MYH10: variants seen among roughly 807,000 people sequenced by gnomAD.
The protein encoded by MYH10 is myosin heavy chain 10, also known as myosin-10.
MYH10 carries 55 observed loss-of-function variants against 257.8 expected under a neutral mutation model. The observed-to-expected ratio is 0.21, with a 90% confidence interval of 0.17 to 0.27. The LOEUF is 0.27. Among genes scored for constraint, MYH10 ranks in the 10% least tolerant of loss-of-function variants. The probability of loss-of-function intolerance (pLI) is 1.00; values close to 1 mark genes in which losing one functional copy is unlikely to be tolerated. For synonymous variants in MYH10, 854 were observed against 921.7 expected (o/e 0.93, Z 1.33); for missense variants, 1,631 against 2,500.6 (o/e 0.65, Z 7.42).
intron 30 of MYH10, among the ~76,000 whole-genome samples, chr17:8,497,664 G>A (rs1251188230): frequency 2.9e-5 from 4 of 137,156 alleles, no homozygotes; most frequent in African/African-American, 1.1e-4. Flanking sequence ...GTGTGAACCC[G>A]GGAGGCAGAG....
intron 8 of MYH10, 116 bp downstream of exon 8, chr17:8,553,839 T>C (rs1449433496): frequency 6.3e-6 from 5 of 796,634 alleles, no homozygotes; most frequent in Non-Finnish European, 1.1e-5. Context: ...ATGCTATCTC[T>C]GGGCTCAAGT....
At chr17:8,538,553 T>C (rs1011094190) in intron 14 of MYH10, among the ~76,000 whole-genome samples, 1 of 152,204 alleles carries the variant, frequency 6.6e-6, no homozygotes, top group Non-Finnish European at 1.5e-5. Flanking sequence ...ATAAGTAGAA[T>C]AATCCTCAAA....
At position 8,492,851 on chromosome 17, in the gene MYH10, G is replaced by A. The variant is rs200165855; in HGVS notation, c.4383C>T (p.Asp1461=). 4.2e-4 allele frequency: 674 copies of A among 1,614,062 alleles called. 6 individuals are homozygous for A. In the Middle Eastern group the frequency reaches 0.016, roughly 37 times the overall value. ...KTKNRLQQEL[D]DLTVDLDHQR... ...GGTGGTCCAGGTCCACCGTGAGGTCGTCCAGCTCCTGCTGCAGGCGGTTCT... is the reference window on the plus strand; with the variant it reads ...GGTGGTCCAGGTCCACCGTGAGGTCATCCAGCTCCTGCTGCAGGCGGTTCT... The change falls in exon 33 of 43, where the codon GAC becomes GAT. Residue 1461 remains aspartate, a synonymous_variant. Coordinates refer to ENST00000360416, the MANE Select transcript of MYH10 (RefSeq NM_001256012.3).
chr17:8,492,220 C>A, intron 34 of MYH10, 77 bp downstream of exon 34: 1 of 1,414,170 alleles, frequency 7.1e-7, no homozygotes, highest in South Asian at 1.3e-5. Context: ...CCTGAGGAGT[C>A]GCCCGCTCCT....
At chr17:8,596,688 G>A (rs2084385102) in intron 3 of MYH10, among the ~76,000 whole-genome samples, 2 of 144,524 alleles carry the variant, frequency 1.4e-5, no homozygotes. Context: ...GAGGGAGGGG[G>A]AGTAGGTCTA....
In MYH10 at chr17:8,480,467, C is replaced by T. The variant is rs1567766941; in HGVS notation, c.5323G>A (p.Glu1775Lys). The T allele has an allele frequency of 6.2e-7, 1 of 1,612,392 alleles. No homozygotes were observed. The highest frequency in any genetic ancestry group is 1.3e-5 in the African/African-American group (1 of 74,860). The change falls in exon 39 of 43, where the codon GAG becomes AAG. Residue 1775 changes from glutamate (E) to lysine (K), a missense_variant. By Grantham distance (56) the Glu-to-Lys change is moderately conservative. This residue lies in a region of MYH10 where 343 missense variants were observed against 389.5 expected (regional missense o/e 0.88). Transcript: ENST00000360416. ...ATGTTGCTCTGCTCCTCTTCCAGCTCCTCCTCCAGCTGTGCGATCCGAGCT... is the reference window on the plus strand; with the variant it reads ...ATGTTGCTCTGCTCCTCTTCCAGCTTCTCCTCCAGCTGTGCGATCCGAGCT... ...LEARIAQLEE[E>K]LEEEQSNMEL...
At chr17:8,585,293 T>TATATATAC (rs1338769226) in intron 4 of MYH10, among the ~76,000 whole-genome samples, 1 of 140,388 alleles carries the variant, frequency 7.1e-6, no homozygotes, top group African/African-American at 2.6e-5. Flanking sequence ...TGTGTGTATA[T>TATATATAC]ATATATATAT....
chr17:8,621,250 C>T (rs551155283), intron 2 of MYH10, among the ~76,000 whole-genome samples: 4 of 152,260 alleles, frequency 2.6e-5, no homozygotes, highest in South Asian at 4.1e-4. Flanking sequence ...TCTTACATGT[C>T]GACATTACAA....
At chr17:8,489,743 A>ACACACACCCACC (rs1437818172) in intron 35 of MYH10, among the ~76,000 whole-genome samples, 3 of 150,162 alleles carry the variant, frequency 2.0e-5, no homozygotes, top group Non-Finnish European at 4.4e-5. Context: ...ACACACACAC[A>ACACACACCCACC]CACCCCAAAT....
Position 8,512,611 on chromosome 17 carries a change from G to A in MYH10, c.2792C>T (p.Thr931Ile). ...CTCTTCTGCTTCAGCAAAGAGCTCA[G>A]TCTCTGCTTGTAGTTGTTCTGCAAG... ...NILAEQLQAETELFAEAEEMR... is the reference protein window; with the variant it reads ...NILAEQLQAEIELFAEAEEMR... Residue 931 changes from threonine to isoleucine, a missense_variant, in exon 24 of 43, where the codon ACT (threonine) becomes ATT (isoleucine). Coordinates refer to ENST00000360416, the MANE Select transcript of MYH10 (RefSeq NM_001256012.3). 6.2e-7 allele frequency: 1 copy of A among 1,613,170 alleles called. No individual in the cohort carries two copies. Among genetic ancestry groups the A allele is most frequent in the Non-Finnish European group, 8.5e-7 (1 of 1,179,946 alleles).
At chr17:8,480,927 T>C (rs913167064) in intron 38 of MYH10, among the ~76,000 whole-genome samples, 1 of 2,684 alleles carries the variant, frequency 3.7e-4, no homozygotes, top group African/African-American at 6.0e-4. Flanking sequence ...GATGGCATGC[T>C]CAAAAAGGCG....
rs1291381550 is a variant in MYH10, at chr17:8,572,228, C to CTG, written c.664-2418_664-2417dup. Among the ~76,000 whole-genome samples, 34 of 80,324 alleles carry CTG rather than the reference C, an allele frequency of 4.2e-4. 1 individual carries two copies. Among genetic ancestry groups the CTG allele is most frequent in the African/African-American group, 1.5e-3 (33 of 22,238 alleles). The allele number at this position is 80,324 out of a possible 152,430, so 52.7% of individuals were successfully genotyped here. On this transcript the variant is annotated intron_variant, in intron 6 of 42. Coordinates refer to ENST00000360416, the MANE Select transcript of MYH10 (RefSeq NM_001256012.3). The stretch of plus-strand genomic sequence containing the variant: ...TCTATTGGTTCTTTTCTTTTCCTCT[C>CTG]TGTGTGTGTGTGTGTGTGTGTGTGT...
intron 16 of MYH10, among the ~76,000 whole-genome samples, chr17:8,533,501 G>C (rs887791388): frequency 6.6e-6 from 1 of 152,160 alleles, no homozygotes; most frequent in African/African-American, 2.4e-5. Context: ...CCTAGAGTCA[G>C]TTCATGCAAA....
At chr17:8,484,110 TG>T in intron 37 of MYH10, 27 bp downstream of exon 37, 1 of 1,420,634 alleles carries the variant, frequency 7.0e-7, no homozygotes, top group South Asian at 1.3e-5. Context: ...ATATATTTGT[TG>T]AACAAATGGA....
chr17:8,476,789 G>C, intron 42 of MYH10, 87 bp downstream of exon 42: 4 of 1,426,342 alleles, frequency 2.8e-6, no homozygotes, highest in Non-Finnish European at 1.9e-6. Context: ...ATGGATCTAA[G>C]TAAACTTCCT....
intron 26 of MYH10, among the ~76,000 whole-genome samples, chr17:8,508,100 G>A (rs1371229888): frequency 6.6e-6 from 1 of 152,058 alleles, no homozygotes; most frequent in African/African-American, 2.4e-5. Flanking sequence ...GCTGTAGTGC[G>A]GTTGCATGAT....
chr17:8,550,891 T>C (rs1376320593), intron 9 of MYH10, among the ~76,000 whole-genome samples: 1 of 151,512 alleles, frequency 6.6e-6, no homozygotes, highest in Admixed American at 6.6e-5. Flanking sequence ...CAGGGTTAAA[T>C]GGATTAAGGG....
intron 36 of MYH10, among the ~76,000 whole-genome samples, chr17:8,486,750 C>T (rs1218371007): frequency 6.6e-6 from 1 of 152,024 alleles, no homozygotes; most frequent in African/African-American, 2.4e-5. Context: ...TCATTTAAGT[C>T]TGGCCATCAT....
At chr17:8,565,843 C>T (rs2083148638) in intron 7 of MYH10, among the ~76,000 whole-genome samples, 1 of 152,188 alleles carries the variant, frequency 6.6e-6, no homozygotes, top group Non-Finnish European at 1.5e-5. Flanking sequence ...TTCTATCAGA[C>T]TTGATTGTCA....
Sources: gnomAD v4.1 joint callset for allele counts (sites outside exome capture counted in the v4.1 genomes callset) on GRCh38, gnomAD v4.1.1 for gene constraint, gnomAD v4.1.1 regional missense constraint, MANE v1.5 for transcripts, NCBI Gene and HGNC (gene_info 2026-07-23, HGNC 2026-07-21) for gene names.